ANK3: variants seen among roughly 807,000 people sequenced by gnomAD.
ANK3 encodes the protein ankyrin 3.
In ANK3, 57 loss-of-function variants were observed where a neutral mutation model predicts 370.9. The observed-to-expected ratio is 0.15, with a 90% CI of 0.12 to 0.19. The LOEUF (loss-of-function observed/expected upper bound fraction) is 0.19. Ranked by LOEUF, ANK3 falls within the 10% of genes least tolerant of loss-of-function variation. The probability of loss-of-function intolerance (pLI) is 1.00; values close to 1 mark genes in which losing one functional copy is unlikely to be tolerated. For missense variants in ANK3, 4,439 were observed against 5,302.1 expected (o/e 0.84, Z 5.06); for synonymous variants, 1,929 against 1,946.3 (o/e 0.99, Z 0.23).
At chr10:60,419,452 T>C (rs2063735149) in intron 2 of ANK3, among the ~76,000 whole-genome samples, 1 of 151,990 alleles carries the variant, frequency 6.6e-6, no homozygotes, top group African/African-American at 2.4e-5. Flanking sequence ...TGCTAGAAAA[T>C]TTGCACATAT....
At chr10:60,244,019 A>G (rs1246944095) in intron 7 of ANK3, among the ~76,000 whole-genome samples, 1 of 152,192 alleles carries the variant, frequency 6.6e-6, no homozygotes, top group African/African-American at 2.4e-5. Flanking sequence ...TGATAGAAAT[A>G]TATGGGTACT....
chr10:60,482,201 T>C (rs530093119), intron 2 of ANK3, among the ~76,000 whole-genome samples: 1 of 152,268 alleles, frequency 6.6e-6, no homozygotes, highest in African/African-American at 2.4e-5. Flanking sequence ...ATGGCAAAGC[T>C]CTACCTGCCC....
Position 60,088,206 on chromosome 10 carries a change from G to GAT in ANK3, c.3480_3481insAT (p.Leu1161IlefsTer12). 1 of 1,614,200 alleles carries GAT rather than the reference G, an allele frequency of 6.2e-7. No homozygotes were observed. The highest frequency in any genetic ancestry group is 8.5e-7 in the Non-Finnish European group (1 of 1,180,024). ...CCCTCTGGGAAAGATGCTTGAACAA[G>GAT]GGGCACTGTGGTGCTGCTCAGAATT... On this transcript the variant is annotated frameshift_variant, in exon 29 of 44. Coordinates refer to ENST00000280772, the MANE Select transcript of ANK3 (RefSeq NM_020987.5). LOFTEE classifies it high-confidence loss of function.
chr10:60,041,000 G>T (rs368735009), intron 43 of ANK3, among the ~76,000 whole-genome samples: 6 of 152,096 alleles, frequency 3.9e-5, no homozygotes, highest in African/African-American at 1.4e-4. Context: ...CATAGGAGTG[G>T]GTTCATTCTA....
At chr10:60,404,869 A>T (rs941972640) in intron 2 of ANK3, among the ~76,000 whole-genome samples, 1 of 152,158 alleles carries the variant, frequency 6.6e-6, no homozygotes, top group South Asian at 2.1e-4. Context: ...AATCAAAACA[A>T]AAAGATAAAA....
intron 1 of ANK3, among the ~76,000 whole-genome samples, chr10:60,657,895 CT>C (rs2078886509): frequency 4.7e-5 from 1 of 21,112 alleles, no homozygotes; most frequent in Non-Finnish European, 1.2e-4. Flanking sequence ...TTATGAAACT[CT>C]GTTACTAGGT....
Position 60,166,590 on chromosome 10 carries a change from C to A in ANK3, c.2614+1G>T, listed in dbSNP as rs1176804410. On this transcript the variant is annotated splice_donor_variant, in intron 23 of 43. Transcript: ENST00000280772. LOFTEE classifies it high-confidence loss of function. The stretch of plus-strand genomic sequence containing the variant: ...TCATCACAATAAAAATTTACAAATA[C>A]CTTCTTCAACATCTGAGATATATTC... The A allele has an allele frequency of 6.8e-6, 11 of 1,612,514 alleles. No individual in the cohort carries two copies. The highest frequency in any genetic ancestry group is 1.3e-5 in the African/African-American group (1 of 74,868).
chr10:60,598,631 G>T (rs2078020121), intron 2 of ANK3, among the ~76,000 whole-genome samples: 1 of 152,142 alleles, frequency 6.6e-6, no homozygotes, highest in Admixed American at 6.5e-5. Flanking sequence ...AGAAAGCTTT[G>T]TAAAACCCTT....
At chr10:60,654,471 C>T (rs2133365701) in intron 1 of ANK3, among the ~76,000 whole-genome samples, 1 of 152,072 alleles carries the variant, frequency 6.6e-6, no homozygotes, top group East Asian at 1.9e-4. Flanking sequence ...AAGTTCTATT[C>T]CTTATCTGTT....
intron 1 of ANK3, among the ~76,000 whole-genome samples, chr10:60,360,487 C>A (rs139048901): frequency 1.3e-3 from 193 of 152,258 alleles, no homozygotes; most frequent in African/African-American, 4.4e-3. Flanking sequence ...GGCAAGATGA[C>A]TGCCTGAGCC....
rs2083486916 is a variant in ANK3, at chr10:60,075,121, C to T, written c.5760G>A (p.Gln1920=). The part of the protein sequence containing the change: ...EDLMRMTAIL[Q]TDVPEEKPFQ... ...ATGGCTTCTCCTCAGGCACATCTGT[C>T]TGTAGTATTGCGGTCATCCGCATTA... is the stretch of plus-strand genomic sequence containing the variant. Residue 1920 remains glutamine (Q), a synonymous_variant, in exon 37 of 44, where the codon CAG becomes CAA. Transcript: ENST00000280772. 2 of 1,614,110 alleles carry T rather than the reference C, an allele frequency of 1.2e-6. No individual in the cohort carries two copies. Among genetic ancestry groups the T allele is most frequent in the Non-Finnish European group, 1.7e-6 (2 of 1,179,998 alleles).
intron 1 of ANK3, among the ~76,000 whole-genome samples, chr10:60,647,097 G>A (rs1215058193): frequency 1.3e-5 from 2 of 152,152 alleles, no homozygotes; most frequent in Admixed American, 1.3e-4. Flanking sequence ...AAACACTGAT[G>A]AGCAAGTAGG....
intron 1 of ANK3, among the ~76,000 whole-genome samples, chr10:60,651,864 T>C (rs1218198582): frequency 1.3e-5 from 2 of 152,226 alleles, no homozygotes; most frequent in Non-Finnish European, 2.9e-5. Context: ...CTAGGCACTC[T>C]GACCTCTCAC....
intron 1 of ANK3, among the ~76,000 whole-genome samples, chr10:60,623,927 T>C (rs531679915): frequency 1.5e-3 from 233 of 152,288 alleles, no homozygotes; most frequent in Middle Eastern, 3.4e-3. Flanking sequence ...AATATCTCTG[T>C]GACCAAACAC....
intron 1 of ANK3, among the ~76,000 whole-genome samples, chr10:60,625,689 C>G (rs564181288): frequency 9.2e-5 from 14 of 152,134 alleles, no homozygotes; most frequent in Non-Finnish European, 1.6e-4. Flanking sequence ...CAATCTCATC[C>G]TGTTTGATAA....
intron 25 of ANK3, among the ~76,000 whole-genome samples, chr10:60,121,000 T>G (rs1011328075): frequency 6.6e-6 from 1 of 152,154 alleles, no homozygotes; most frequent in Non-Finnish European, 1.5e-5. Context: ...AAGAGACATC[T>G]GCACGCCCAT....
intron 1 of ANK3, among the ~76,000 whole-genome samples, chr10:60,337,524 T>G (rs1017080864): frequency 1.3e-5 from 2 of 152,184 alleles, no homozygotes; most frequent in Non-Finnish European, 2.9e-5. Context: ...ATACTTTCCC[T>G]ATTAAATTCC....
At chr10:60,484,931 C>T (rs2075312751) in intron 2 of ANK3, among the ~76,000 whole-genome samples, 1 of 151,962 alleles carries the variant, frequency 6.6e-6, no homozygotes, top group Non-Finnish European at 1.5e-5. Context: ...TGTATTTTGG[C>T]GTTTCTAAAA....
At chr10:60,156,196 T>A (rs1221429731) in intron 23 of ANK3, among the ~76,000 whole-genome samples, 2 of 152,144 alleles carry the variant, frequency 1.3e-5, no homozygotes, top group Non-Finnish European at 2.9e-5. Flanking sequence ...AGGGACTCTT[T>A]TCACTTGGAG....
Sources: gnomAD v4.1 joint callset for allele counts (sites outside exome capture counted in the v4.1 genomes callset) on GRCh38, gnomAD v4.1.1 for gene constraint, MANE v1.5 for transcripts, NCBI Gene and HGNC (gene_info 2026-07-23, HGNC 2026-07-21) for gene names.